Variants in WNK3 observed in about 807,000 individuals in gnomAD.
WNK3 encodes the protein serine/threonine-protein kinase WNK3.
WNK3 carries 18 observed loss-of-function variants against 116.7 expected under a neutral mutation model. That is an observed-to-expected ratio of 0.15 (90% confidence interval 0.11 to 0.23). The LOEUF (loss-of-function observed/expected upper bound fraction) is 0.23, where lower values mean the gene tolerates loss of function less well. Among genes scored for constraint, WNK3 ranks in the 10% least tolerant of loss-of-function variants. The probability of loss-of-function intolerance (pLI) is 1.00; values close to 1 mark genes in which losing one functional copy is unlikely to be tolerated. For synonymous variants in WNK3, 404 were observed against 469.4 expected, an observed-to-expected ratio of 0.86 and a Z score of 1.80; for missense variants, 993 against 1,323.8, an observed-to-expected ratio of 0.75 and a Z score of 3.88.
chrX:54,262,185 G>T (rs1043089136), intron 10 of WNK3, among the ~76,000 whole-genome samples: 2 of 111,439 alleles, frequency 1.8e-5, no homozygotes, highest in African/African-American at 3.3e-5. Flanking sequence ...TGTATAAATG[G>T]TTGTAATTAT....
At chrX:54,336,962 C>A (rs1557175487) in intron 1 of WNK3, among the ~76,000 whole-genome samples, 1 of 111,289 alleles carries the variant, frequency 9.0e-6, no homozygotes, top group African/African-American at 3.3e-5. Context: ...ATTGCCAAAT[C>A]ACTTCCAAAG....
At chrX:54,294,717 T>C (rs782206706) in exon 8 of WNK3, 1 of 1,211,021 alleles carries the variant, frequency 8.3e-7, no homozygotes, top group Non-Finnish European at 1.1e-6. Context: ...AGACTTGCAC[T>C]GAGAATCCCT....
rs1603392114 is a variant in WNK3, at chrX:54,295,574, G to A, written c.1399-727C>T. Among the ~76,000 whole-genome samples, 3 of 112,211 alleles carry A rather than the reference G, an allele frequency of 2.7e-5. No individual in the cohort carries two copies. In the Admixed American group the frequency reaches 2.8e-4, roughly 11 times the overall value. ...GTCCTGTATGAGCACACTATCAGGTGGTGTGAAATGGACATAACTTAACTT... is the reference window on the plus strand; with the variant it reads ...GTCCTGTATGAGCACACTATCAGGTAGTGTGAAATGGACATAACTTAACTT... On this transcript the variant is annotated intron_variant, in intron 7 of 23. Coordinates refer to ENST00000354646, the Ensembl canonical transcript of WNK3.
chrX:54,241,105 G>A (rs1345584212), intron 17 of WNK3, among the ~76,000 whole-genome samples: 1 of 111,783 alleles, frequency 8.9e-6, no homozygotes, highest in Non-Finnish European at 1.9e-5. Flanking sequence ...AGAGCAGTAA[G>A]AGGAAAAGGT....
chrX:54,319,225 C>T (rs1019457773), intron 2 of WNK3, among the ~76,000 whole-genome samples: 1 of 110,881 alleles, frequency 9.0e-6, no homozygotes, highest in East Asian at 2.8e-4. Flanking sequence ...TGCAGTGGCG[C>T]GATCTCAGCT....
chrX:54,329,942 A>G (rs2069148550), intron 2 of WNK3, among the ~76,000 whole-genome samples: 1 of 112,143 alleles, frequency 8.9e-6, no homozygotes, highest in Non-Finnish European at 1.9e-5. Context: ...GTAAAATAGT[A>G]GAGAGGAAAA....
At chrX:54,294,657 G>C in exon 8 of WNK3, 1 of 1,209,142 alleles carries the variant, frequency 8.3e-7, no homozygotes, top group Non-Finnish European at 1.1e-6. Context: ...TTGCTGAGCG[G>C]GAGCAAGGGG....
At chrX:54,270,393 C>T (rs1258547448) in intron 10 of WNK3, among the ~76,000 whole-genome samples, 1 of 105,473 alleles carries the variant, frequency 9.5e-6, no homozygotes, top group Admixed American at 1.0e-4. Flanking sequence ...CCACAGCGCC[C>T]GGCCTCTTTT....
rs960141615 is a variant in WNK3, at chrX:54,203,631, A to T, written c.4871-1438T>A. ...ACCCAGAAGATTAACAACTGGCGTC[A>T]TATGCTGGGGCTAGAATCCAGATAT... On this transcript the variant is annotated intron_variant, in intron 22 of 23. Coordinates refer to ENST00000354646, the Ensembl canonical transcript of WNK3. Among the ~76,000 whole-genome samples the T allele has an allele frequency of 3.6e-5, 4 of 111,336 alleles. No homozygotes were observed. The East Asian group carries it at 1.1e-3, about 31-fold the overall frequency.
chrX:54,327,684 CT>C (rs1332259446), intron 2 of WNK3, among the ~76,000 whole-genome samples: 1 of 111,062 alleles, frequency 9.0e-6, no homozygotes, highest in Non-Finnish European at 1.9e-5. Context: ...GAGACTCTGT[CT>C]CTAAAAATCA....
chrX:54,320,694 CT>C (rs781895250), intron 2 of WNK3, among the ~76,000 whole-genome samples: 147 of 101,596 alleles, frequency 1.4e-3, no homozygotes, highest in Admixed American at 5.4e-3. Flanking sequence ...CTATGCTCAG[CT>C]TTTTTTTTTT....
At chrX:54,339,967 T>C (rs1004766025) in intron 1 of WNK3, among the ~76,000 whole-genome samples, 1 of 110,826 alleles carries the variant, frequency 9.0e-6, no homozygotes, top group South Asian at 3.8e-4. Context: ...CTAGCCAACA[T>C]GGTGAAAACC....
chrX:54,249,082 G>A (rs2068101361), exon 17 of WNK3: 1 of 1,210,167 alleles, frequency 8.3e-7, no homozygotes, highest in Admixed American at 2.2e-5. Flanking sequence ...GACAGTAGTG[G>A]GTTGAAGGGT....
intron 4 of WNK3, among the ~76,000 whole-genome samples, chrX:54,308,461 A>T (rs1338653152): frequency 4.5e-5 from 5 of 111,763 alleles, no homozygotes; most frequent in African/African-American, 1.6e-4. Context: ...AAGTGCTGGG[A>T]TTACAGGCGT....
At chrX:54,238,513 GT>G in intron 18 of WNK3, 41 bp from the exon 19 acceptor site, 1 of 1,171,531 alleles carries the variant, frequency 8.5e-7, no homozygotes, top group Non-Finnish European at 1.1e-6. Context: ...AGAGAAAATT[GT>G]TTGTTAAGAC....
intron 1 of WNK3, among the ~76,000 whole-genome samples, chrX:54,349,461 C>T (rs781798252): frequency 4.4e-4 from 49 of 111,687 alleles, no homozygotes; most frequent in African/African-American, 1.4e-3. Flanking sequence ...TAAAGAAAAC[C>T]ATGAAATTTT....
At chrX:54,293,094 ACAC>A in intron 9 of WNK3, 37 bp downstream of exon 9, 2 of 1,186,373 alleles carry the variant, frequency 1.7e-6, no homozygotes, top group Non-Finnish European at 2.3e-6. Context: ...TACAGTAAAT[ACAC>A]TGATTATATA....
rs2067752119 is a variant in WNK3, at chrX:54,220,709, C to A, written c.4870+8005G>T. On this transcript the variant is annotated intron_variant, in intron 22 of 23. Coordinates refer to ENST00000354646, the Ensembl canonical transcript of WNK3. The stretch of plus-strand genomic sequence containing the variant: ...AAACTTTATTAATAGACTTATTAAG[C>A]AAAATAATTTTTTTTCAATTTTGTA... 1.8e-5 allele frequency among the ~76,000 whole-genome samples: 2 copies of A among 111,399 alleles called. 1 individual carries two copies. The highest frequency in any genetic ancestry group is 1.9e-4 in the Admixed American group (2 of 10,426).
intron 10 of WNK3, among the ~76,000 whole-genome samples, chrX:54,268,952 G>A (rs1557158590): frequency 9.0e-6 from 1 of 111,282 alleles, no homozygotes; most frequent in Non-Finnish European, 1.9e-5. Context: ...GGGAAGAAAC[G>A]ATAACTTTAC....
Sources: allele counts gnomAD v4.1 joint callset (sites outside exome capture counted in the v4.1 genomes callset), GRCh38; gene constraint gnomAD v4.1.1; transcripts MANE v1.5; gene names NCBI Gene and HGNC (gene_info 2026-07-23, HGNC 2026-07-21).